The following IFT43 variants were observed in gnomAD, a reference collection of about 807,000 sequenced individuals.
IFT43 encodes the protein intraflagellar transport protein 43 homolog.
A neutral mutation model predicts 32.3 loss-of-function variants in IFT43; 33 were observed. The observed-to-expected ratio is 1.02, with a 90% CI of 0.77 to 1.37. IFT43 has a LOEUF of 1.37. Among genes scored for constraint, IFT43 ranks in the 40% most tolerant of loss-of-function variants. The probability of loss-of-function intolerance (pLI) is 0.00; values close to 1 mark genes in which losing one functional copy is unlikely to be tolerated. For missense variants in IFT43, 274 were observed against 265.9 expected, an observed-to-expected ratio of 1.03 and a Z score of -0.21; for synonymous variants, 93 against 98.2, an observed-to-expected ratio of 0.95 and a Z score of 0.31.
Position 76,052,304 on chromosome 14 carries a change from C to T in IFT43, c.216-6338C>T, listed in dbSNP as rs563254765. On this transcript the variant is annotated intron_variant, in intron 3 of 8. Coordinates refer to ENST00000314067, the MANE Select transcript of IFT43 (RefSeq NM_001102564.3). ...AGTATTCCATTAAACTCGAGAGAAA[C>T]ATTTTAACTGAGGTGATGTCTACAT... 1.6e-4 allele frequency among the ~76,000 whole-genome samples: 24 copies of T among 152,312 alleles called. No homozygotes were observed. In the South Asian group the frequency reaches 4.8e-3, roughly 30 times the overall value.
chr14:76,083,011 G>A lies in IFT43; in HGVS notation c.445-216G>A, dbSNP rs140685323. Among the ~76,000 whole-genome samples, 116 of 152,200 alleles carry A rather than the reference G, an allele frequency of 7.6e-4. No homozygotes were observed. In the East Asian group the frequency reaches 0.022, roughly 28 times the overall value. Reference sequence around the variant, plus strand: ...CTCGGTCCTCCTGGTATGGTCCTTTGCCCCAAAGCACGCCCAGCATGTGGG... The same window carrying A: ...CTCGGTCCTCCTGGTATGGTCCTTTACCCCAAAGCACGCCCAGCATGTGGG... On this transcript the variant is annotated intron_variant, in intron 7 of 8. Coordinates refer to ENST00000314067, the MANE Select transcript of IFT43 (RefSeq NM_001102564.3).
intron 2 of IFT43, among the ~76,000 whole-genome samples, chr14:76,016,537 A>G (rs2036191624): frequency 6.6e-6 from 1 of 152,074 alleles, no homozygotes. Flanking sequence ...TTGGCTATTC[A>G]GGCCCTTTTG....
intron 2 of IFT43, among the ~76,000 whole-genome samples, chr14:75,997,737 A>G (rs145780259): frequency 6.6e-6 from 1 of 151,606 alleles, no homozygotes; most frequent in African/African-American, 2.4e-5. Context: ...CTATTAGAAA[A>G]TAAAAGTGTT....
At chr14:75,988,102 A>G (rs2035564197) in intron 1 of IFT43, among the ~76,000 whole-genome samples, 1 of 152,212 alleles carries the variant, frequency 6.6e-6, no homozygotes, top group South Asian at 2.1e-4. Flanking sequence ...TTCTAGAGGA[A>G]TTTGTAACTG....
chr14:75,998,211 C>G (rs2139885546), intron 2 of IFT43, among the ~76,000 whole-genome samples: 1 of 152,278 alleles, frequency 6.6e-6, no homozygotes, highest in East Asian at 1.9e-4. Flanking sequence ...TCTTCTCCTC[C>G]CTGGAGACTG....
chr14:76,070,716 C>T (rs1038598378), intron 5 of IFT43, among the ~76,000 whole-genome samples: 7 of 152,098 alleles, frequency 4.6e-5, no homozygotes, highest in Admixed American at 1.3e-4. Context: ...ATCCCCTTGG[C>T]GCTGTCCTCA....
chr14:76,014,110 A>T, intron 2 of IFT43: 1 of 283,310 alleles, frequency 3.5e-6, no homozygotes, highest in Non-Finnish European at 7.2e-6. Context: ...TAAAGAGTTT[A>T]CAAAGAAATA....
chr14:75,990,973 A>C (rs531747304), intron 2 of IFT43, among the ~76,000 whole-genome samples: 3 of 152,184 alleles, frequency 2.0e-5, no homozygotes, highest in Non-Finnish European at 4.4e-5. Flanking sequence ...CAAAAGAGAC[A>C]AGATCTCTTG....
intron 3 of IFT43, among the ~76,000 whole-genome samples, chr14:76,029,851 TTTTTATTTTATTTTA>T (rs58097236): frequency 1.6e-4 from 19 of 117,474 alleles, no homozygotes; most frequent in South Asian, 5.9e-4. Flanking sequence ...TTTATTTTTA[TTTTTATTTTATTTTA>T]TTTTATTTTA....
chr14:76,067,837 C>T (rs1192758007), intron 5 of IFT43, among the ~76,000 whole-genome samples: 1 of 152,160 alleles, frequency 6.6e-6, no homozygotes, highest in African/African-American at 2.4e-5. Flanking sequence ...GAGGAGATGC[C>T]TGGCATAGCT....
At chr14:76,033,973 C>A (rs1475739685) in intron 3 of IFT43, among the ~76,000 whole-genome samples, 1 of 152,154 alleles carries the variant, frequency 6.6e-6, no homozygotes, top group Non-Finnish European at 1.5e-5. Flanking sequence ...ATGGTCAGAA[C>A]AGGATCATGA....
chr14:76,056,348 G>A (rs1353245262), intron 3 of IFT43, among the ~76,000 whole-genome samples: 1 of 152,238 alleles, frequency 6.6e-6, no homozygotes, highest in African/African-American at 2.4e-5. Flanking sequence ...AAGGGAGAGG[G>A]GAGAGTCCTT....
At chr14:76,056,651 C>T (rs879418441) in intron 3 of IFT43, among the ~76,000 whole-genome samples, 5 of 152,202 alleles carry the variant, frequency 3.3e-5, no homozygotes, top group Non-Finnish European at 5.9e-5. Context: ...TCTTTAATCC[C>T]GGGATTCTTC....
At position 76,083,364 on chromosome 14, in the gene IFT43, G is replaced by T. The variant is rs1451816031; in HGVS notation, c.507+75G>T. The T allele has an allele frequency of 1.9e-6, 3 of 1,611,404 alleles. No homozygotes were observed. In the African/African-American group the frequency reaches 4.0e-5, roughly 22 times the overall value. ...AACCAGCCGACTCCCGGGCTGGCCT[G>T]TGCCTCCCTGAGGCCTGGATGGGAG... is the stretch of plus-strand genomic sequence containing the variant. On this transcript the variant is annotated intron_variant, in intron 8 of 8. Transcript: ENST00000314067.
At chr14:76,046,314 A>T (rs763723291) in intron 3 of IFT43, among the ~76,000 whole-genome samples, 1 of 152,074 alleles carries the variant, frequency 6.6e-6, no homozygotes, top group Non-Finnish European at 1.5e-5. Flanking sequence ...AATGTTTCTC[A>T]TGTGGGGCTG....
At chr14:76,031,912 G>A (rs546320676) in intron 3 of IFT43, among the ~76,000 whole-genome samples, 3 of 152,242 alleles carry the variant, frequency 2.0e-5, no homozygotes, top group South Asian at 2.1e-4. Flanking sequence ...TTTGACTATC[G>A]TCTACGCAGT....
At chr14:76,013,842 G>C in intron 2 of IFT43, 1 of 254,750 alleles carries the variant, frequency 3.9e-6, no homozygotes, top group Non-Finnish European at 8.4e-6. Flanking sequence ...ATGGAGATCA[G>C]ATTTCCAGCA....
chr14:76,069,254 A>G (rs992196768), intron 5 of IFT43, among the ~76,000 whole-genome samples: 1 of 152,152 alleles, frequency 6.6e-6, no homozygotes, highest in South Asian at 2.1e-4. Context: ...AGAATTCACT[A>G]TCTCGAGGAC....
chr14:75,995,624 A>G (rs1270595480), intron 2 of IFT43, among the ~76,000 whole-genome samples: 2 of 151,950 alleles, frequency 1.3e-5, no homozygotes, highest in Non-Finnish European at 2.9e-5. Flanking sequence ...CTGTCCCCTT[A>G]CTGGTCTGCC....
Sources: gnomAD v4.1 joint callset for allele counts (sites outside exome capture counted in the v4.1 genomes callset) on GRCh38, gnomAD v4.1.1 for gene constraint, MANE v1.5 for transcripts, NCBI Gene and HGNC (gene_info 2026-07-23, HGNC 2026-07-21) for gene names.